USF3: variants seen among roughly 807,000 people sequenced by gnomAD.
USF3 encodes basic helix-loop-helix domain-containing protein USF3.
USF3 carries 29 observed loss-of-function variants against 157.5 expected under a neutral mutation model. The ratio of observed to expected loss-of-function variants is 0.18; its 90% CI spans 0.14 to 0.25. The LOEUF (loss-of-function observed/expected upper bound fraction) is 0.25. USF3 is among the 10% of genes least tolerant of loss of function. USF3 has a pLI of 1.00. For missense variants in USF3, 2,381 were observed against 2,667.6 expected, an observed-to-expected ratio of 0.89 and a Z score of 2.37; for synonymous variants, 893 against 941.4, an observed-to-expected ratio of 0.95 and a Z score of 0.94.
At chr3:113,678,144 A>G (rs888289068) in intron 1 of USF3, among the ~76,000 whole-genome samples, 3 of 152,002 alleles carry the variant, frequency 2.0e-5, no homozygotes, top group African/African-American at 7.3e-5. Context: ...CTGAATTTTA[A>G]TAAGTGCCCC....
chr3:113,695,114 G>A (rs1707771575), intron 1 of USF3, among the ~76,000 whole-genome samples: 1 of 152,208 alleles, frequency 6.6e-6, no homozygotes. Flanking sequence ...GTCCTTGGAC[G>A]GGGGTTGGAA....
At chr3:113,687,907 G>C (rs921457682) in intron 1 of USF3, among the ~76,000 whole-genome samples, 2 of 152,192 alleles carry the variant, frequency 1.3e-5, no homozygotes, top group African/African-American at 2.4e-5. Context: ...TCTGAAACTA[G>C]TATAGCTAAA....
chr3:113,659,100 ACACT>A lies in USF3; in HGVS notation c.2578_2581del (p.Ser860PhefsTer10), dbSNP rs2107923394. On this transcript the variant is annotated frameshift_variant, in exon 7 of 7. Transcript: ENST00000316407. LOFTEE classifies it high-confidence loss of function. ...AACACCCAAAGAATGTGAAGCAGAAACACTCACACTATTTGCCTGAGACACAGAG... is the reference window on the plus strand; with the variant it reads ...AACACCCAAAGAATGTGAAGCAGAAACACACTATTTGCCTGAGACACAGAG... 1 of 1,614,174 alleles carries A rather than the reference ACACT, an allele frequency of 6.2e-7. No homozygotes were observed. The highest frequency in any genetic ancestry group is 8.5e-7 in the Non-Finnish European group (1 of 1,180,016).
chr3:113,671,960 G>A (rs777773066), intron 4 of USF3, among the ~76,000 whole-genome samples: 2 of 151,040 alleles, frequency 1.3e-5, no homozygotes, highest in Non-Finnish European at 1.5e-5. Context: ...TTGTAGAGGC[G>A]GGGTCTCCCT....
chr3:113,675,365 A>G (rs1201265757), intron 2 of USF3, among the ~76,000 whole-genome samples: 1 of 152,230 alleles, frequency 6.6e-6, no homozygotes, highest in East Asian at 1.9e-4. Context: ...TATTCCATAC[A>G]TGAAAGCAAG....
At chr3:113,691,579 GCTAA>G (rs914635523) in intron 1 of USF3, among the ~76,000 whole-genome samples, 1 of 152,124 alleles carries the variant, frequency 6.6e-6, no homozygotes, top group Non-Finnish European at 1.5e-5. Flanking sequence ...TGGGCATGGG[GCTAA>G]CTAATAAGAC....
Position 113,649,517 on chromosome 3 carries a change from G to GTT in USF3, c.*5425_*5426dup. 2 of 259,466 alleles carry GTT rather than the reference G, an allele frequency of 7.7e-6. No homozygotes were observed. Among genetic ancestry groups the GTT allele is most frequent in the East Asian group, 6.6e-5 (1 of 15,152 alleles). The allele number at this position is 259,466 out of a possible 1,614,324, so 16.1% of individuals were successfully genotyped here. A position where few individuals can be genotyped will look rare whatever the true frequency, so the allele number is the denominator to read the frequency against. On this transcript the variant is annotated 3_prime_UTR_variant, in exon 7 of 7. Transcript: ENST00000316407. The stretch of plus-strand genomic sequence containing the variant: ...CTACTAGGTTTTTTTTTTGTTTTTT[G>GTT]TTTTTTTTTACAAATCAACATCAAA...
At position 113,654,787 on chromosome 3, in the gene USF3, G is replaced by T; in HGVS notation, c.*157C>A. 1 of 710,936 alleles carries T rather than the reference G, an allele frequency of 1.4e-6. No homozygotes were observed. The highest frequency in any genetic ancestry group is 2.2e-6 in the Non-Finnish European group (1 of 461,292). The allele number at this position is 710,936 out of a possible 1,614,324, so 44.0% of individuals were successfully genotyped here. Reference sequence around the variant, plus strand: ...CTTGTTTTCTGACAACCCAGTATCTGCATCTGACATGGCTTCCCTACATTC... The same window carrying T: ...CTTGTTTTCTGACAACCCAGTATCTTCATCTGACATGGCTTCCCTACATTC... On this transcript the variant is annotated 3_prime_UTR_variant, in exon 7 of 7. Transcript: ENST00000316407.
Position 113,658,748 on chromosome 3 carries a change from G to T in USF3, c.2934C>A (p.Ile978=). The part of the protein sequence containing the change: ...TSTDCVSEVE[I]IAEPCRVEQD... ...GCTCAACTCTGCAAGGTTCAGCAAT[G>T]ATTTCTACCTCAGAAACACAGTCAG... Residue 978 remains isoleucine (I), a synonymous_variant, in exon 7 of 7, where the codon ATC becomes ATA. Coordinates refer to ENST00000316407, the MANE Select transcript of USF3 (RefSeq NM_001009899.4). 6.2e-7 allele frequency: 1 copy of T among 1,614,058 alleles called. No individual in the cohort carries two copies. Among genetic ancestry groups the T allele is most frequent in the African/African-American group, 1.3e-5 (1 of 75,010 alleles).
At chr3:113,689,295 A>G (rs1195602908) in intron 1 of USF3, among the ~76,000 whole-genome samples, 1 of 152,178 alleles carries the variant, frequency 6.6e-6, no homozygotes, top group African/African-American at 2.4e-5. Context: ...ATGATGATAC[A>G]TTTTACCGAT....
At position 113,650,053 on chromosome 3, in the gene USF3, C is replaced by CT. The variant is rs1947234518; in HGVS notation, c.*4890dup. On this transcript the variant is annotated 3_prime_UTR_variant, in exon 7 of 7. Coordinates refer to ENST00000316407, the MANE Select transcript of USF3 (RefSeq NM_001009899.4). ...CTTCACTAGTTTGTCTGGTTGTTGG[C>CT]TATTACTGTTGCCCTCTGGATGTAC... is the stretch of plus-strand genomic sequence containing the variant. 1 of 587,636 alleles carries CT rather than the reference C, an allele frequency of 1.7e-6. No homozygotes were observed. The highest frequency in any genetic ancestry group is 2.9e-5 in the Admixed American group (1 of 34,030). The allele number at this position is 587,636 out of a possible 1,614,324, so 36.4% of individuals were successfully genotyped here. A position where few individuals can be genotyped will look rare whatever the true frequency, so the allele number is the denominator to read the frequency against.
At chr3:113,674,029 A>G (rs950800032) in intron 3 of USF3, among the ~76,000 whole-genome samples, 3 of 152,246 alleles carry the variant, frequency 2.0e-5, no homozygotes, top group Admixed American at 6.5e-5. Flanking sequence ...CATGATTTTA[A>G]TATTAGTAGA....
At chr3:113,682,115 G>C (rs1458829272) in intron 1 of USF3, among the ~76,000 whole-genome samples, 2 of 152,148 alleles carry the variant, frequency 1.3e-5, no homozygotes, top group African/African-American at 4.8e-5. Flanking sequence ...CTGGAGCCTA[G>C]GAGTTCAAGA....
At position 113,648,952 on chromosome 3, in the gene USF3, A is replaced by G. The variant is rs1947213127; in HGVS notation, c.*5992T>C. ...TGGAAGCGAATCTTTTCTTCACAGTAACACAACTGCAGCATCTTAACACTA... is the reference window on the plus strand; with the variant it reads ...TGGAAGCGAATCTTTTCTTCACAGTGACACAACTGCAGCATCTTAACACTA... On this transcript the variant is annotated 3_prime_UTR_variant, in exon 7 of 7. Coordinates refer to ENST00000316407, the MANE Select transcript of USF3 (RefSeq NM_001009899.4). The G allele has an allele frequency of 6.6e-6, 1 of 152,412 alleles. No homozygotes were observed. The highest frequency in any genetic ancestry group is 2.4e-5 in the African/African-American group (1 of 41,390). 9.4% of individuals were successfully genotyped at this position (152,412 alleles called of 1,614,324 possible). A position where few individuals can be genotyped will look rare whatever the true frequency, so the allele number is the denominator to read the frequency against.
chr3:113,665,664 A>T (rs1375415866), intron 5 of USF3, among the ~76,000 whole-genome samples: 1 of 151,796 alleles, frequency 6.6e-6, no homozygotes, highest in South Asian at 2.1e-4. Context: ...CGTCTCTATC[A>T]AAATTACAAA....
At chr3:113,670,391 G>C (rs1266567671) in intron 4 of USF3, among the ~76,000 whole-genome samples, 188 bp from the exon 5 acceptor site, 3 of 152,212 alleles carry the variant, frequency 2.0e-5, no homozygotes, top group Non-Finnish European at 4.4e-5. Context: ...CTGAGGTCAG[G>C]AGTTCGAGAC....
chr3:113,660,932 A>G lies in USF3; in HGVS notation c.750T>C (p.Gly250=), dbSNP rs767612640. ...PTSESESNVL[G]ATSGSLIAVS... ...CAGCAATCAGTGAGCCACTAGTGGC[A>G]CCAAGCACATTTGATTCGCTTTCAG... Residue 250 remains glycine (G), a synonymous_variant, in exon 7 of 7, where the codon GGT becomes GGC. Transcript: ENST00000316407. 1.2e-6 allele frequency: 2 copies of G among 1,614,240 alleles called. No homozygotes were observed. The highest frequency in any genetic ancestry group is 8.5e-7 in the Non-Finnish European group (1 of 1,180,036).
At chr3:113,686,354 G>C (rs1448461865) in intron 1 of USF3, among the ~76,000 whole-genome samples, 2 of 152,190 alleles carry the variant, frequency 1.3e-5, no homozygotes, top group Non-Finnish European at 2.9e-5. Context: ...GCTGGGGAAG[G>C]GGGGAAGGGT....
chr3:113,675,691 T>C lies in USF3; in HGVS notation c.-18-795A>G, dbSNP rs559558548. On this transcript the variant is annotated intron_variant, in intron 2 of 6. Transcript: ENST00000316407. ...TCCCAGAGATTGACAACTGTATTAG[T>C]CCGTTCTCATGCTGCTATAAAGAAA... Among the ~76,000 whole-genome samples, 63 of 152,328 alleles carry C rather than the reference T, an allele frequency of 4.1e-4. 5 individuals carry two copies. The highest frequency in any genetic ancestry group is 8.2e-4 in the African/African-American group (34 of 41,574).
Sources: allele counts gnomAD v4.1 joint callset (sites outside exome capture counted in the v4.1 genomes callset), GRCh38; gene constraint gnomAD v4.1.1; transcripts MANE v1.5; gene names NCBI Gene and HGNC (gene_info 2026-07-23, HGNC 2026-07-21).